The following SLC12A7 variants were observed in gnomAD, a reference collection of about 807,000 sequenced individuals.
The protein encoded by SLC12A7 is solute carrier family 12 member 7, also known as K-Cl cotransporter 4.
In SLC12A7, 100 loss-of-function variants were observed where a neutral mutation model predicts 120.6. The ratio of observed to expected loss-of-function variants is 0.83; its 90% CI spans 0.71 to 0.98. The LOEUF (loss-of-function observed/expected upper bound fraction) is 0.98. Among genes scored for constraint, SLC12A7 ranks in the 50% least tolerant of loss-of-function variants. The pLI, the probability that SLC12A7 is intolerant of heterozygous loss-of-function variation, is 0.00. For synonymous variants in SLC12A7, 760 were observed against 678.0 expected (o/e 1.12, Z -1.88); for missense variants, 1,373 against 1,548.1 (o/e 0.89, Z 1.90).
upstream of SLC12A7, among the ~76,000 whole-genome samples, chr5:1,116,614 G>A (rs931055954): frequency 2.6e-5 from 4 of 152,148 alleles, no homozygotes; most frequent in South Asian, 4.1e-4. Context: ...GGATGAGTCC[G>A]ACACACTCTT....
intron 20 of SLC12A7, among the ~76,000 whole-genome samples, chr5:1,061,846 C>T (rs1354139706): frequency 6.6e-6 from 1 of 152,138 alleles, no homozygotes; most frequent in Non-Finnish European, 1.5e-5. Context: ...CCTGTAGTCC[C>T]AGCTACTCAG....
chr5:1,130,259 C>T, the SLC12A7 span, among the ~76,000 whole-genome samples: 2 of 152,180 alleles, frequency 1.3e-5, no homozygotes, highest in Non-Finnish European at 2.9e-5. Context: ...AGGACCCCAC[C>T]GGGCGAGGCT....
Position 1,094,248 on chromosome 5 carries a change from C to A in SLC12A7, c.125G>T (p.Gly42Val). ...EGPEPERPSP[G>V]DGNPRENSPF... ...GCTGTTTTCTCTTGGATTTCCATCT[C>A]CTAGTGAGGGAAAAACAATTCAGAG... Residue 42 changes from glycine (G) to valine (V), a missense_variant and splice_region_variant, in exon 2 of 24, where the codon GGA (glycine) becomes GTA (valine). Transcript: ENST00000264930. 1 of 1,610,194 alleles carries A rather than the reference C, an allele frequency of 6.2e-7. No homozygotes were observed. The highest frequency in any genetic ancestry group is 8.5e-7 in the Non-Finnish European group (1 of 1,176,814).
At chr5:1,101,779 AC>A (rs914181852) in intron 1 of SLC12A7, among the ~76,000 whole-genome samples, 3 of 133,360 alleles carry the variant, frequency 2.2e-5, no homozygotes, top group Non-Finnish European at 4.8e-5. Context: ...CACTGCCCCG[AC>A]CCCCCTCCAC....
In SLC12A7 at chr5:1,063,985, G is replaced by A. The variant is rs55792623; in HGVS notation, c.2608-10C>T. On this transcript the variant is annotated splice_polypyrimidine_tract_variant and intron_variant, in intron 19 of 23. Coordinates refer to ENST00000264930, the MANE Select transcript of SLC12A7 (RefSeq NM_006598.3). Reference sequence around the variant, plus strand: ...GGCACTTCCTCCACACCTGCAGACAGGGAGGGCATGGCTGTGGGGCCTCAG... The same window carrying A: ...GGCACTTCCTCCACACCTGCAGACAAGGAGGGCATGGCTGTGGGGCCTCAG... The A allele has an allele frequency of 4.8e-3, 7,805 of 1,611,764 alleles. 28 individuals carry two copies. Among genetic ancestry groups the A allele is most frequent in the Middle Eastern group, 0.012 (73 of 6,056 alleles).
chr5:1,078,863 G>A (rs1315756343), intron 10 of SLC12A7, 105 bp from the exon 11 acceptor site: 3 of 731,578 alleles, frequency 4.1e-6, no homozygotes, highest in East Asian at 2.7e-5. Context: ...ACTGGCCAGC[G>A]GGCCGCAGGA....
intron 3 of SLC12A7, 125 bp downstream of exon 3, chr5:1,093,408 G>A (rs1267846058): frequency 1.2e-5 from 12 of 962,852 alleles, no homozygotes; most frequent in Non-Finnish European, 1.7e-5. Flanking sequence ...AGAAAGGGCT[G>A]GACGTGGCCA....
chr5:1,085,441 C>T lies in SLC12A7; in HGVS notation c.708G>A (p.Gln236=). The part of the protein sequence containing the change: ...TYISPGAAIF[Q]AEAAGGEAAA... ...CCGCCTCGCCACCTGCAGCCTCCGC[C>T]TGGAAGATGGCCGCACCCGGGGAGA... Residue 236 remains glutamine (Q), a synonymous_variant, in exon 7 of 24, where the codon CAG becomes CAA. Coordinates refer to ENST00000264930, the MANE Select transcript of SLC12A7 (RefSeq NM_006598.3). 6.2e-7 allele frequency: 1 copy of T among 1,609,536 alleles called. No individual in the cohort carries two copies. Among genetic ancestry groups the T allele is most frequent in the Non-Finnish European group, 8.5e-7 (1 of 1,178,584 alleles).
Position 1,064,172 on chromosome 5 carries a change from G to C in SLC12A7, c.2518C>G (p.Arg840Gly). ...NVDSFPQNQE[R>G]FGGGHIDVWW... ...ACGTCGATGTGGCCCCCGCCGAAGCGCTCCTGGTTTTGCGGAAACGAGTCG... is the reference window on the plus strand; with the variant it reads ...ACGTCGATGTGGCCCCCGCCGAAGCCCTCCTGGTTTTGCGGAAACGAGTCG... The change falls in exon 19 of 24, where the codon CGC becomes GGC. Residue 840 changes from arginine (R) to glycine (G), a missense_variant. Coordinates refer to ENST00000264930, the MANE Select transcript of SLC12A7 (RefSeq NM_006598.3). 1 of 1,612,372 alleles carries C rather than the reference G, an allele frequency of 6.2e-7. No homozygotes were observed. The highest frequency in any genetic ancestry group is 8.5e-7 in the Non-Finnish European group (1 of 1,179,678).
At chr5:1,117,636 G>A in the SLC12A7 span, among the ~76,000 whole-genome samples, 1 of 152,162 alleles carries the variant, frequency 6.6e-6, no homozygotes, top group Non-Finnish European at 1.5e-5. This position sits in a 1 kb window ranked among gnomAD's most constrained non-coding sequence, Gnocchi z 4.5. Flanking sequence ...CAGACCAATA[G>A]ACTGGCTCAT....
rs1204053735 is a variant in SLC12A7, at chr5:1,076,137, C to A, written c.1847+1G>T. 5.6e-6 allele frequency: 9 copies of A among 1,609,312 alleles called. No individual in the cohort carries two copies. The highest frequency in any genetic ancestry group is 7.6e-6 in the Non-Finnish European group (9 of 1,178,178). On this transcript the variant is annotated splice_donor_variant, in intron 14 of 23. Transcript: ENST00000264930. LOFTEE classifies it high-confidence loss of function. ...CTCACGCCCGTGCTGAGTGGCCTCACCAGTGGTAGAACTTGAAGCGTGGAC... is the reference window on the plus strand; with the variant it reads ...CTCACGCCCGTGCTGAGTGGCCTCAACAGTGGTAGAACTTGAAGCGTGGAC...
intron 17 of SLC12A7, among the ~76,000 whole-genome samples, chr5:1,067,077 A>G (rs1321827437): frequency 6.6e-6 from 1 of 151,488 alleles, no homozygotes; most frequent in East Asian, 1.9e-4. Context: ...ACAACATCCA[A>G]TGTTCTCCCA....
chr5:1,105,520 G>A (rs1742454354), intron 1 of SLC12A7, among the ~76,000 whole-genome samples: 1 of 152,240 alleles, frequency 6.6e-6, no homozygotes, highest in Non-Finnish European at 1.5e-5. Flanking sequence ...GGGAGTCAGC[G>A]GCCACAAACA....
At chr5:1,053,577 T>C in intron 22 of SLC12A7, 95 bp from the exon 23 acceptor site, 1 of 1,470,482 alleles carries the variant, frequency 6.8e-7, no homozygotes. Flanking sequence ...CATTCACACG[T>C]GTTGGAAAGG....
the SLC12A7 span, among the ~76,000 whole-genome samples, chr5:1,138,420 C>G: frequency 6.6e-6 from 1 of 152,226 alleles, no homozygotes; most frequent in Non-Finnish European, 1.5e-5. Context: ...TTTAGCTACA[C>G]ACAGAGCTGC....
intron 21 of SLC12A7, among the ~76,000 whole-genome samples, chr5:1,059,103 G>A (rs558829661): frequency 3.9e-5 from 6 of 152,338 alleles, no homozygotes; most frequent in African/African-American, 1.4e-4. Flanking sequence ...CCGGATCTCA[G>A]GGACCTGGCC....
At chr5:1,061,507 C>T (rs1307187545) in intron 20 of SLC12A7, among the ~76,000 whole-genome samples, 16 of 108,528 alleles carry the variant, frequency 1.5e-4, no homozygotes, top group African/African-American at 5.5e-4. Flanking sequence ...GAGTCTCACC[C>T]GCCGCACCCG....
intron 20 of SLC12A7, among the ~76,000 whole-genome samples, chr5:1,063,590 G>C (rs372670565): frequency 6.6e-6 from 1 of 151,526 alleles, no homozygotes; most frequent in African/African-American, 2.4e-5. Flanking sequence ...GGCAGCCCCC[G>C]CCACAATCGC....
intron 1 of SLC12A7, among the ~76,000 whole-genome samples, chr5:1,108,530 C>A (rs1742738918): frequency 6.6e-6 from 1 of 152,176 alleles, no homozygotes; most frequent in Admixed American, 6.5e-5. Context: ...GACTGCCTCC[C>A]ATGTCCGTGT....
Sources: allele counts gnomAD v4.1 joint callset (sites outside exome capture counted in the v4.1 genomes callset), GRCh38; gene constraint gnomAD v4.1.1; non-coding constraint Gnocchi (gnomAD v3.1); transcripts MANE v1.5; gene names NCBI Gene and HGNC (gene_info 2026-07-23, HGNC 2026-07-21).